NBEAL1: variants seen among roughly 807,000 people sequenced by gnomAD.
The protein encoded by NBEAL1 is neurobeachin like 1.
A neutral mutation model predicts 351.3 loss-of-function variants in NBEAL1; 273 were observed. The observed-to-expected ratio is 0.78, with a 90% confidence interval of 0.70 to 0.86. NBEAL1 has a LOEUF of 0.86. NBEAL1 is among the 40% of genes least tolerant of loss of function. The pLI is 0.00. For synonymous variants in NBEAL1, 1,050 were observed against 1,086.4 expected, an observed-to-expected ratio of 0.97 and a Z score of 0.66; for missense variants, 2,961 against 3,201.3, an observed-to-expected ratio of 0.92 and a Z score of 1.81.
chr2:203,190,584 T>C (rs541441669), intron 46 of NBEAL1, 195 bp downstream of exon 46: 11 of 672,716 alleles, frequency 1.6e-5, no homozygotes, highest in Non-Finnish European at 2.7e-5. Context: ...CCATTAAAAC[T>C]GTCCTCATGC....
At chr2:203,180,900 T>TATA (rs2064693486) in intron 43 of NBEAL1, 2 of 153,660 alleles carry the variant, frequency 1.3e-5, no homozygotes, top group Admixed American at 6.6e-5. Context: ...CTCATGTCTT[T>TATA]ATATATACAG....
At chr2:203,152,751 A>G (rs1325563526) in intron 35 of NBEAL1, among the ~76,000 whole-genome samples, 7 of 151,970 alleles carry the variant, frequency 4.6e-5, no homozygotes, top group African/African-American at 1.4e-4. Context: ...ATCAAGAATC[A>G]CTGGGCCCGG....
At position 203,113,063 on chromosome 2, in the gene NBEAL1, C is replaced by G; in HGVS notation, c.2251C>G (p.Pro751Ala). The G allele has an allele frequency of 6.5e-7, 1 of 1,543,876 alleles. No homozygotes were observed. Residue 751 changes from proline (P) to alanine (A), a missense_variant, in exon 17 of 56, where the codon CCT becomes GCT. Physicochemically the swap from Pro to Ala is conservative, Grantham distance 27 (BLOSUM62 -1). Coordinates refer to ENST00000683969, the MANE Select transcript of NBEAL1 (RefSeq NM_001378026.1). Reference sequence around the variant, plus strand: ...TTCAGCTGGGCAAAGAACCACCACTCCTCCACCATCCCAAATCCCAGATCC... The same window carrying G: ...TTCAGCTGGGCAAAGAACCACCACTGCTCCACCATCCCAAATCCCAGATCC... ...IGSAGQRTTT[P>A]PPSQIPDPPF...
chr2:203,207,727 G>C (rs1411757172), intron 51 of NBEAL1, among the ~76,000 whole-genome samples: 2 of 152,194 alleles, frequency 1.3e-5, no homozygotes. Context: ...TGCTCGTTAA[G>C]AGTCATCACC....
At chr2:203,046,269 G>T (rs996930837) in intron 3 of NBEAL1, among the ~76,000 whole-genome samples, 2 of 151,990 alleles carry the variant, frequency 1.3e-5, no homozygotes, top group African/African-American at 4.8e-5. Flanking sequence ...AGGCGGGAGT[G>T]CAGTGGCCCG....
chr2:203,083,656 G>T, intron 9 of NBEAL1, 131 bp downstream of exon 9: 1 of 674,044 alleles, frequency 1.5e-6, no homozygotes, highest in South Asian at 2.6e-5. Context: ...TGACTGCTTA[G>T]ACTTTGACTT....
intron 55 of NBEAL1, among the ~76,000 whole-genome samples, chr2:203,215,471 T>G (rs2065880843): frequency 6.6e-6 from 1 of 152,076 alleles, no homozygotes. Flanking sequence ...ATTGTGCCAC[T>G]GCACTCCAGT....
rs1235514394 is a variant in NBEAL1, at chr2:203,219,317, A to G, written c.*1963A>G. 1 of 152,108 alleles carries G rather than the reference A, an allele frequency of 6.6e-6. No homozygotes were observed. Among genetic ancestry groups the G allele is most frequent in the African/African-American group, 2.4e-5 (1 of 41,416 alleles). The allele number at this position is 152,108 out of a possible 1,614,324, so 9.4% of individuals were successfully genotyped here. ...TAAAAATGCCTTCATTTTTAAGATT[A>G]CTTAATACTGGATTTGAAAATTATT... On this transcript the variant is annotated 3_prime_UTR_variant, in exon 56 of 56. Coordinates refer to ENST00000683969, the MANE Select transcript of NBEAL1 (RefSeq NM_001378026.1).
intron 40 of NBEAL1, 67 bp downstream of exon 40, chr2:203,172,090 A>G: frequency 1.4e-6 from 1 of 713,846 alleles, no homozygotes; most frequent in Non-Finnish European, 2.2e-6. Context: ...ATAAGTATAT[A>G]CATGATACTT....
At chr2:203,157,655 TG>T (rs766796539) in intron 35 of NBEAL1, 43 bp from the exon 36 acceptor site, 9 of 1,452,318 alleles carry the variant, frequency 6.2e-6, no homozygotes, top group Non-Finnish European at 8.3e-6. Context: ...GCTATAATAT[TG>T]TTTTTTACTT....
At chr2:203,131,454 G>A (rs189589370) in intron 25 of NBEAL1, among the ~76,000 whole-genome samples, 1 of 152,172 alleles carries the variant, frequency 6.6e-6, no homozygotes, top group African/African-American at 2.4e-5. Flanking sequence ...GACCTCAGTT[G>A]ATCTGCCTGC....
intron 46 of NBEAL1, among the ~76,000 whole-genome samples, chr2:203,193,382 G>A (rs2105787217): frequency 6.6e-6 from 1 of 152,234 alleles, no homozygotes; most frequent in South Asian, 2.1e-4. Context: ...TAAGATACTA[G>A]TCTAGTATGG....
intron 3 of NBEAL1, among the ~76,000 whole-genome samples, chr2:203,044,182 T>C (rs893878772): frequency 7.2e-5 from 11 of 152,214 alleles, no homozygotes; most frequent in Non-Finnish European, 1.6e-4. Context: ...AAAAGACTAG[T>C]ACTTCGTTAT....
Position 203,083,495 on chromosome 2 carries a change from C to T in NBEAL1, c.961C>T (p.Arg321Ter), listed in dbSNP as rs773758454. 11 of 1,549,310 alleles carry T rather than the reference C, an allele frequency of 7.1e-6. No individual in the cohort carries two copies. The highest frequency in any genetic ancestry group is 1.7e-4 in the Middle Eastern group (1 of 5,998). ...NQRRSRQWEN[R>*]FIALQIKMLN... is the part of the protein sequence containing the mutation. Reference sequence around the variant, plus strand: ...AAGGAGGTCCAGACAGTGGGAAAACCGATTTATTGCTCTACAGATCAAAAT... The same window carrying T: ...AAGGAGGTCCAGACAGTGGGAAAACTGATTTATTGCTCTACAGATCAAAAT... The change falls in exon 9 of 56, where the codon CGA becomes TGA. Residue 321 changes from arginine to a stop codon, truncating the protein, a stop_gained. Transcript: ENST00000683969. LOFTEE classifies it high-confidence loss of function.
At chr2:203,199,234 T>C (rs1435255130) in intron 48 of NBEAL1, 104 bp from the exon 49 acceptor site, 1 of 651,468 alleles carries the variant, frequency 1.5e-6, no homozygotes, top group Non-Finnish European at 2.8e-6. Context: ...AGTCTCACAG[T>C]GTTCCCTAAG....
At position 203,149,137 on chromosome 2, in the gene NBEAL1, T is replaced by A; in HGVS notation, c.5451T>A (p.Pro1817=). 1 of 1,597,460 alleles carries A rather than the reference T, an allele frequency of 6.3e-7. No homozygotes were observed. The highest frequency in any genetic ancestry group is 1.1e-5 in the South Asian group (1 of 87,972). ...TCTATCTTACATGTGAAAGGGGACC[T>A]TGGGCTAAAAGGTAAGAGGATATAA... ...IQLYLTCERG[P]WAKRKQNPIH... The change falls in exon 34 of 56, where the codon CCT becomes CCA. Residue 1817 remains proline, a synonymous_variant. Coordinates refer to ENST00000683969, the MANE Select transcript of NBEAL1 (RefSeq NM_001378026.1).
At chr2:203,075,441 C>CT (rs2061754877) in intron 7 of NBEAL1, among the ~76,000 whole-genome samples, 1 of 152,124 alleles carries the variant, frequency 6.6e-6, no homozygotes, top group African/African-American at 2.4e-5. Flanking sequence ...TCCACTGTGG[C>CT]TGAGTGGAAC....
Position 203,218,708 on chromosome 2 carries a change from T to A in NBEAL1, c.*1354T>A, listed in dbSNP as rs570232974. Reference sequence around the variant, plus strand: ...TTCTTTTGCAATTTCGCTTTCCTGTTGACCACAGTATCCAGTGCCCTTTTC... The same window carrying A: ...TTCTTTTGCAATTTCGCTTTCCTGTAGACCACAGTATCCAGTGCCCTTTTC... On this transcript the variant is annotated 3_prime_UTR_variant, in exon 56 of 56. Coordinates refer to ENST00000683969, the MANE Select transcript of NBEAL1 (RefSeq NM_001378026.1). The A allele has an allele frequency of 2.0e-5, 3 of 152,330 alleles. No individual in the cohort carries two copies. The highest frequency in any genetic ancestry group is 2.0e-4 in the Admixed American group (3 of 15,306). The allele number at this position is 152,330 out of a possible 1,614,324, so 9.4% of individuals were successfully genotyped here.
intron 3 of NBEAL1, among the ~76,000 whole-genome samples, chr2:203,048,485 G>T (rs1258000662): frequency 6.6e-6 from 1 of 152,160 alleles, no homozygotes; most frequent in Non-Finnish European, 1.5e-5. Context: ...GATGGGGAGG[G>T]AGGGAGGTAT....
Sources: allele counts gnomAD v4.1 joint callset (sites outside exome capture counted in the v4.1 genomes callset), GRCh38; gene constraint gnomAD v4.1.1; transcripts MANE v1.5; gene names NCBI Gene and HGNC (gene_info 2026-07-23, HGNC 2026-07-21).